Variants in MACROD2 observed in about 807,000 individuals in gnomAD.
MACROD2 encodes the protein mono-ADP ribosylhydrolase 2.
In MACROD2, 36 loss-of-function variants were observed where a neutral mutation model predicts 70.4. That is an observed-to-expected ratio of 0.51 (90% CI 0.39 to 0.68). The LOEUF is 0.68. Ranked by LOEUF, MACROD2 falls within the 30% of genes least tolerant of loss-of-function variation. MACROD2 has a pLI of 0.00. For synonymous variants in MACROD2, 172 were observed against 178.8 expected, an observed-to-expected ratio of 0.96 and a Z score of 0.30; for missense variants, 496 against 538.4, an observed-to-expected ratio of 0.92 and a Z score of 0.78.
In MACROD2 at chr20:14,241,380, TG is replaced by T. The variant is rs1380211902; in HGVS notation, c.271+155654del. The stretch of plus-strand genomic sequence containing the variant: ...GAATCAGTATGATTTTCATTCAGAT[TG>T]GTGTGTGATTTTTTTTATCAGTAGA... On this transcript the variant is annotated intron_variant, in intron 3 of 17. Coordinates refer to ENST00000684519, the MANE Select transcript of MACROD2 (RefSeq NM_001351661.2). Among the ~76,000 whole-genome samples, 7 of 152,312 alleles carry T rather than the reference TG, an allele frequency of 4.6e-5. No individual in the cohort carries two copies. In the East Asian group the frequency reaches 1.4e-3, roughly 29 times the overall value.
chr20:15,749,131 T>C (rs1303439701), intron 8 of MACROD2, among the ~76,000 whole-genome samples: 1 of 152,146 alleles, frequency 6.6e-6, no homozygotes, highest in Non-Finnish European at 1.5e-5. Context: ...TAATAATTTG[T>C]CTGTTTTAAC....
At chr20:14,627,369 G>A (rs553692881) in intron 4 of MACROD2, among the ~76,000 whole-genome samples, 2 of 152,278 alleles carry the variant, frequency 1.3e-5, no homozygotes, top group East Asian at 3.9e-4. Flanking sequence ...CGATGTAGGA[G>A]CACAGAAGCC....
intron 5 of MACROD2, among the ~76,000 whole-genome samples, chr20:14,792,861 C>T (rs1353031350): frequency 6.6e-6 from 1 of 152,104 alleles, no homozygotes; most frequent in African/African-American, 2.4e-5. Context: ...CCACCAAGCT[C>T]TGCTACTTTT....
chr20:15,781,080 T>A (rs1235842436), intron 8 of MACROD2, among the ~76,000 whole-genome samples: 1 of 152,156 alleles, frequency 6.6e-6, no homozygotes, highest in Non-Finnish European at 1.5e-5. Flanking sequence ...AGTTTAAAAT[T>A]TTTGAGTGGT....
intron 13 of MACROD2, among the ~76,000 whole-genome samples, chr20:15,980,656 G>T (rs2066384731): frequency 1.3e-5 from 2 of 152,110 alleles, no homozygotes; most frequent in Non-Finnish European, 2.9e-5. Flanking sequence ...ACTTGTACAG[G>T]CACATGTGTC....
At chr20:15,957,875 G>A (rs2066000180) in intron 12 of MACROD2, among the ~76,000 whole-genome samples, 1 of 152,196 alleles carries the variant, frequency 6.6e-6, no homozygotes, top group Non-Finnish European at 1.5e-5. Flanking sequence ...GTGTGGGTGT[G>A]CCAAGAGGCA....
chr20:15,865,634 T>A (rs570381919), intron 9 of MACROD2, among the ~76,000 whole-genome samples: 1 of 151,786 alleles, frequency 6.6e-6, no homozygotes. Flanking sequence ...TTGAAAAGGG[T>A]TGGGGGAAAA....
chr20:14,285,659 T>C (rs2327845), intron 3 of MACROD2, among the ~76,000 whole-genome samples: 102,146 of 151,810 alleles, frequency 0.67, 35,161 homozygotes, highest in Non-Finnish European at 0.75. Context: ...CCCTTTTTCC[T>C]CCATCTCCAG....
chr20:14,450,218 T>A (rs2084229957), intron 3 of MACROD2, among the ~76,000 whole-genome samples: 1 of 152,162 alleles, frequency 6.6e-6, no homozygotes, highest in Admixed American at 6.5e-5. Context: ...GTCATCTAAA[T>A]CACCTTATAA....
intron 5 of MACROD2, among the ~76,000 whole-genome samples, chr20:14,948,246 C>A (rs2074448588): frequency 6.6e-6 from 1 of 152,162 alleles, no homozygotes; most frequent in African/African-American, 2.4e-5. Context: ...GCTAAGCAGG[C>A]CATGCACAAA....
At chr20:15,417,613 A>AAAAG (rs1188343531) in intron 6 of MACROD2, among the ~76,000 whole-genome samples, 4 of 134,916 alleles carry the variant, frequency 3.0e-5, no homozygotes, top group Admixed American at 1.6e-4. Flanking sequence ...AAAAAAAAAA[A>AAAAG]AAAGAAAGAA....
At chr20:14,760,404 TG>T (rs772583240) in intron 5 of MACROD2, among the ~76,000 whole-genome samples, 20 of 152,134 alleles carry the variant, frequency 1.3e-4, no homozygotes, top group Non-Finnish European at 2.6e-4. Flanking sequence ...GTTCTGAGCC[TG>T]GGGCCAGGTA....
chr20:15,817,990 G>T (rs1483079367), intron 8 of MACROD2, among the ~76,000 whole-genome samples: 5 of 152,094 alleles, frequency 3.3e-5, no homozygotes, highest in Non-Finnish European at 7.4e-5. Flanking sequence ...TTTCATAGCA[G>T]GGTCTCTTCT....
At chr20:15,248,222 C>T (rs1418718100) in intron 6 of MACROD2, among the ~76,000 whole-genome samples, 2 of 152,148 alleles carry the variant, frequency 1.3e-5, no homozygotes, top group Non-Finnish European at 2.9e-5. Context: ...TCCAAACTCT[C>T]TTAGGGCTGC....
intron 15 of MACROD2, among the ~76,000 whole-genome samples, chr20:16,028,668 T>C (rs1286037542): frequency 6.6e-6 from 1 of 152,160 alleles, no homozygotes; most frequent in Non-Finnish European, 1.5e-5. Context: ...GGGTCTTTTG[T>C]AAAAACAGGC....
rs148047678 is a variant in MACROD2, at chr20:14,848,283, C to T, written c.418+163324C>T. Among the ~76,000 whole-genome samples the T allele has an allele frequency of 4.1e-3, 623 of 152,258 alleles. 6 individuals are homozygous for T. The highest frequency in any genetic ancestry group is 0.014 in the African/African-American group (582 of 41,552). On this transcript the variant is annotated intron_variant, in intron 5 of 17. Transcript: ENST00000684519. ...ACATCCACTGTCAAATATACTTCTG[C>T]ATACATATACTCTTGGATATCATAG...
intron 3 of MACROD2, among the ~76,000 whole-genome samples, chr20:14,354,195 T>C (rs1286993988): frequency 6.6e-6 from 1 of 152,198 alleles, no homozygotes; most frequent in Non-Finnish European, 1.5e-5. Context: ...GTACCTTAGC[T>C]ATGTTCTTTG....
chr20:14,184,596 A>G (rs2081330301), intron 3 of MACROD2, among the ~76,000 whole-genome samples: 1 of 151,966 alleles, frequency 6.6e-6, no homozygotes, highest in South Asian at 2.1e-4. Context: ...TAGGAATAGC[A>G]TTGAATCTAC....
chr20:15,846,471 C>T (rs957490556), intron 8 of MACROD2, among the ~76,000 whole-genome samples: 1 of 152,068 alleles, frequency 6.6e-6, no homozygotes, highest in African/African-American at 2.4e-5. Context: ...TGACTTGAGA[C>T]AGCAGCGATT....
Sources: gnomAD v4.1 joint callset for allele counts (sites outside exome capture counted in the v4.1 genomes callset) on GRCh38, gnomAD v4.1.1 for gene constraint, MANE v1.5 for transcripts, NCBI Gene and HGNC (gene_info 2026-07-23, HGNC 2026-07-21) for gene names.